Variants in RANBP2 observed in about 807,000 individuals in gnomAD.
The protein encoded by RANBP2 is E3 SUMO-protein ligase RanBP2.
A neutral mutation model predicts 303.6 loss-of-function variants in RANBP2; 57 were observed. The ratio of observed to expected loss-of-function variants is 0.19; its 90% CI spans 0.15 to 0.23. RANBP2 has a LOEUF of 0.23. RANBP2 is among the 10% of genes least tolerant of loss of function. The pLI is 1.00. For synonymous variants in RANBP2, 1,167 were observed against 1,301.5 expected (o/e 0.90, Z 2.23); for missense variants, 3,138 against 3,780.8 (o/e 0.83, Z 4.46).
At chr2:108,870,925 C>T in the RANBP2 span, among the ~76,000 whole-genome samples, 14 of 152,188 alleles carry the variant, frequency 9.2e-5, no homozygotes, top group African/African-American at 2.9e-4. Context: ...CTTAATACCA[C>T]AGAACTGAAA....
the RANBP2 span, among the ~76,000 whole-genome samples, chr2:109,006,262 C>T: frequency 9.9e-5 from 15 of 151,976 alleles, no homozygotes; most frequent in Admixed American, 2.0e-4. Flanking sequence ...GGCGCGATCT[C>T]GGCTCGCTGC....
the RANBP2 span, among the ~76,000 whole-genome samples, chr2:108,885,771 C>G: frequency 1.3e-5 from 2 of 152,208 alleles, no homozygotes. Flanking sequence ...TCCCACCACT[C>G]ATGATTCCCA....
the RANBP2 span, among the ~76,000 whole-genome samples, chr2:108,828,206 A>G: frequency 6.6e-6 from 1 of 152,228 alleles, no homozygotes; most frequent in Non-Finnish European, 1.5e-5. Flanking sequence ...GAAACCATAG[A>G]AAACCCAAAA....
the RANBP2 span, among the ~76,000 whole-genome samples, chr2:109,060,947 C>T: frequency 6.6e-6 from 1 of 151,990 alleles, no homozygotes; most frequent in African/African-American, 2.4e-5. Context: ...ACTCATAGTC[C>T]AGCACCCTAA....
the RANBP2 span, among the ~76,000 whole-genome samples, chr2:108,969,897 C>A: frequency 6.6e-6 from 1 of 152,202 alleles, no homozygotes; most frequent in Non-Finnish European, 1.5e-5. Context: ...TTAGAGAAGG[C>A]TTCAGGAGAA....
At chr2:109,774,505 T>TATATATAATATATAAA in the RANBP2 span, among the ~76,000 whole-genome samples, 1 of 32,092 alleles carries the variant, frequency 3.1e-5, no homozygotes, top group Non-Finnish European at 4.6e-5. Flanking sequence ...CAAACATATA[T>TATATATAATATATAAA]ATATATATAA....
the RANBP2 span, among the ~76,000 whole-genome samples, chr2:108,994,830 C>CT: frequency 2.9e-3 from 16 of 5,586 alleles, no homozygotes; most frequent in African/African-American, 0.011. Context: ...ATATATATAT[C>CT]TTTTTTTTTT....
At chr2:109,672,112 T>C in the RANBP2 span, among the ~76,000 whole-genome samples, 1 of 152,260 alleles carries the variant, frequency 6.6e-6, no homozygotes, top group Non-Finnish European at 1.5e-5. Flanking sequence ...GTTGTATTTT[T>C]AAAATATTGG....
the RANBP2 span, chr2:109,617,276 G>T: frequency 6.0e-6 from 1 of 166,918 alleles, no homozygotes; most frequent in South Asian, 2.1e-4. Context: ...CAATTAAAAT[G>T]GCACTTTATA....
chr2:108,724,718 C>T (rs1255375727), intron 1 of RANBP2, among the ~76,000 whole-genome samples: 1 of 151,524 alleles, frequency 6.6e-6, no homozygotes, highest in Non-Finnish European at 1.5e-5. Flanking sequence ...TTTGTTCTGC[C>T]TTTTGAGAGA....
At chr2:109,421,638 C>T in the RANBP2 span, among the ~76,000 whole-genome samples, 1 of 152,222 alleles carries the variant, frequency 6.6e-6, no homozygotes, top group Non-Finnish European at 1.5e-5. Flanking sequence ...TAGCTCTCCA[C>T]CTTCTCCCTC....
At chr2:108,812,625 C>G in the RANBP2 span, 4 of 1,607,788 alleles carry the variant, frequency 2.5e-6, no homozygotes, top group Non-Finnish European at 3.4e-6. Flanking sequence ...TTTTTCTACC[C>G]TTTAGTTAAA....
the RANBP2 span, chr2:109,371,713 CCTT>C: frequency 2.5e-6 from 4 of 1,592,708 alleles, no homozygotes; most frequent in African/African-American, 4.0e-5. Flanking sequence ...ACACTTGGCT[CCTT>C]CTTGCCCACC....
At chr2:108,891,301 G>C in the RANBP2 span, among the ~76,000 whole-genome samples, 70 of 152,228 alleles carry the variant, frequency 4.6e-4, no homozygotes, top group Non-Finnish European at 8.4e-4. Context: ...GCTTCTTCTT[G>C]TTTTTGAAAT....
chr2:108,854,866 G>T, the RANBP2 span, among the ~76,000 whole-genome samples: 5 of 152,124 alleles, frequency 3.3e-5, no homozygotes, highest in South Asian at 1.0e-3. Flanking sequence ...CAAAGGGTGG[G>T]CAGTAGAGTT....
the RANBP2 span, among the ~76,000 whole-genome samples, chr2:109,460,403 C>A: frequency 4.7e-4 from 72 of 152,194 alleles, no homozygotes; most frequent in African/African-American, 1.7e-3. Flanking sequence ...TTGTTCTCTG[C>A]TGCTGGTGGA....
At chr2:109,735,303 C>T in the RANBP2 span, among the ~76,000 whole-genome samples, 1 of 152,060 alleles carries the variant, frequency 6.6e-6, no homozygotes, top group East Asian at 1.9e-4. Flanking sequence ...ACATAAAATC[C>T]TCTAGGTTCA....
the RANBP2 span, among the ~76,000 whole-genome samples, chr2:109,721,873 G>A: frequency 6.6e-5 from 10 of 152,276 alleles, no homozygotes; most frequent in South Asian, 4.1e-4. Context: ...CAGCCTGCCC[G>A]TGGGCCACGC....
At chr2:109,241,728 T>G in the RANBP2 span, among the ~76,000 whole-genome samples, 12 of 152,084 alleles carry the variant, frequency 7.9e-5, no homozygotes, top group Admixed American at 2.0e-4. Context: ...TCTGCCAGTT[T>G]TCTGTTCCCA....
Sources: gnomAD v4.1 joint callset for allele counts (sites outside exome capture counted in the v4.1 genomes callset) on GRCh38, gnomAD v4.1.1 for gene constraint, MANE v1.5 for transcripts, NCBI Gene and HGNC (gene_info 2026-07-23, HGNC 2026-07-21) for gene names.